The following PLCE1 variants were observed in gnomAD, a reference collection of about 807,000 sequenced individuals.
The protein encoded by PLCE1 is phospholipase C epsilon 1, also known as 1-phosphatidylinositol 4,5-bisphosphate phosphodiesterase epsilon-1.
In PLCE1, 119 loss-of-function variants were observed where a neutral mutation model predicts 242.8. That is an observed-to-expected ratio of 0.49 (90% CI 0.42 to 0.57). The LOEUF (loss-of-function observed/expected upper bound fraction) is 0.57, where lower values mean the gene tolerates loss of function less well. PLCE1 is among the 20% of genes least tolerant of loss of function. The probability of loss-of-function intolerance (pLI) is 0.00; values close to 1 mark genes in which losing one functional copy is unlikely to be tolerated. For synonymous variants in PLCE1, 945 were observed against 1,017.4 expected, an observed-to-expected ratio of 0.93 and a Z score of 1.35; for missense variants, 2,441 against 2,788.8, an observed-to-expected ratio of 0.88 and a Z score of 2.81.
rs190033469 is a variant in PLCE1, at chr10:94,296,490, A to G, written c.5168-1889A>G. On this transcript the variant is annotated intron_variant, in intron 23 of 32. Coordinates refer to ENST00000371380, the MANE Select transcript of PLCE1 (RefSeq NM_016341.4). ...TACTTGCTGATATTATGTTATGGAGATGACTTCTTTCCTTAAACCTCATGA... is the reference window on the plus strand; with the variant it reads ...TACTTGCTGATATTATGTTATGGAGGTGACTTCTTTCCTTAAACCTCATGA... Among the ~76,000 whole-genome samples the G allele has an allele frequency of 2.3e-3, 344 of 152,222 alleles. 1 individual carries two copies. Among genetic ancestry groups the G allele is most frequent in the African/African-American group, 8.0e-3 (331 of 41,538 alleles).
Position 94,298,372 on chromosome 10 carries a change from G to A in PLCE1, c.5168-7G>A, listed in dbSNP as rs1167796300. The A allele has an allele frequency of 1.2e-6, 2 of 1,613,648 alleles. No homozygotes were observed. Among genetic ancestry groups the A allele is most frequent in the African/African-American group, 2.7e-5 (2 of 74,976 alleles). On this transcript the variant is annotated splice_polypyrimidine_tract_variant and splice_region_variant and intron_variant, in intron 23 of 32. Coordinates refer to ENST00000371380, the MANE Select transcript of PLCE1 (RefSeq NM_016341.4). The surrounding 1 kb of genome is among the most constrained non-coding windows in gnomAD (Gnocchi z 5.2). ...CTAATCTGCGGCTAATTTCTTGGGG[G>A]GTTTAGGTTCCTGTGAAGGCATTCG...
intron 14 of PLCE1, among the ~76,000 whole-genome samples, chr10:94,263,924 A>G (rs545504971): frequency 6.6e-6 from 1 of 152,198 alleles, no homozygotes; most frequent in Non-Finnish European, 1.5e-5. Context: ...TTGTTATTCT[A>G]GAACATGCAA....
At chr10:94,211,567 T>C (rs1439824575) in intron 4 of PLCE1, among the ~76,000 whole-genome samples, 1 of 152,246 alleles carries the variant, frequency 6.6e-6, no homozygotes, top group Non-Finnish European at 1.5e-5. Flanking sequence ...TAGAACCGCA[T>C]AGCTAAAAGT....
chr10:94,203,930 T>C (rs1191534362), intron 4 of PLCE1, among the ~76,000 whole-genome samples: 1 of 152,240 alleles, frequency 6.6e-6, no homozygotes, highest in East Asian at 1.9e-4. Flanking sequence ...AGTCTGAAAG[T>C]TTCTTCTAAC....
chr10:93,996,425 G>C (rs2060824514), intron 1 of PLCE1, among the ~76,000 whole-genome samples: 1 of 152,198 alleles, frequency 6.6e-6, no homozygotes, highest in Non-Finnish European at 1.5e-5. Context: ...TAGGAAACAT[G>C]GTGCTTCTGG....
Position 94,132,277 on chromosome 10 carries a change from G to A in PLCE1, c.1310G>A (p.Ser437Asn), listed in dbSNP as rs757692426. The A allele has an allele frequency of 6.2e-7, 1 of 1,613,988 alleles. No homozygotes were observed. Among genetic ancestry groups the A allele is most frequent in the Non-Finnish European group, 8.5e-7 (1 of 1,180,000 alleles). Residue 437 changes from serine (S) to asparagine (N), a missense_variant, in exon 3 of 33, where the codon AGC (serine) becomes AAC (asparagine). Physicochemically the swap from Ser to Asn is conservative, Grantham distance 46. Around this residue, in one of 5 missense-constraint regions of PLCE1, gnomAD observed 733 missense variants for 754.2 expected, o/e 0.97. Transcript: ENST00000371380. ...PASETAHGRI[S>N]VGPCLKQCVR... ...TCCGAGACAGCCCATGGAAGGATAA[G>A]CGTTGGTCCATGCTTAAAGCAATGT...
intron 2 of PLCE1, chr10:94,094,898 T>G (rs1439636204): frequency 6.6e-6 from 1 of 152,204 alleles, no homozygotes; most frequent in African/African-American, 2.4e-5. Flanking sequence ...CTAAATTAAC[T>G]GCCCCTTTCA....
chr10:94,324,202 A>G (rs942196207), intron 30 of PLCE1, 147 bp from the exon 31 acceptor site: 1 of 750,650 alleles, frequency 1.3e-6, no homozygotes, highest in African/African-American at 1.7e-5. Context: ...CAACTATACA[A>G]CTGCAAAATG....
rs746405415 is a variant in PLCE1 at position 94,252,497 on chromosome 10, G to C, written c.3278G>C (p.Arg1093Thr). 8.1e-6 allele frequency: 13 copies of C among 1,611,890 alleles called. No individual in the cohort carries two copies. Among genetic ancestry groups the C allele is most frequent in the Non-Finnish European group, 1.1e-5 (13 of 1,178,826 alleles). ...TTKKKKKILM[R>T]GESGEVTDDE... ...AAGAAAAAGAAGAAAATCCTCATGA[G>C]GGTAGAGTGTTATTTGTTTATTAAG... The change falls in exon 9 of 33, where the codon AGG (arginine) becomes ACG (threonine). Residue 1093 changes from arginine to threonine, a missense_variant and splice_region_variant. Coordinates refer to ENST00000371380, the MANE Select transcript of PLCE1 (RefSeq NM_016341.4).
intron 2 of PLCE1, among the ~76,000 whole-genome samples, chr10:94,080,460 T>C (rs1387776429): frequency 2.6e-5 from 4 of 152,242 alleles, no homozygotes; most frequent in Admixed American, 1.3e-4. Context: ...TTGGACATGC[T>C]ATTAGCCCAG....
intron 3 of PLCE1, among the ~76,000 whole-genome samples, chr10:94,165,108 G>T (rs2047750900): frequency 6.6e-6 from 1 of 152,214 alleles, no homozygotes; most frequent in Non-Finnish European, 1.5e-5. Flanking sequence ...GAGGCAGTCT[G>T]TCTGTTCTCA....
intron 4 of PLCE1, among the ~76,000 whole-genome samples, chr10:94,184,671 G>A (rs1377841190): frequency 6.6e-6 from 1 of 152,152 alleles, no homozygotes; most frequent in Non-Finnish European, 1.5e-5. Flanking sequence ...CTCTGGCTCT[G>A]TTTTAGCCAC....
chr10:94,109,679 G>A (rs1253132532), intron 2 of PLCE1, among the ~76,000 whole-genome samples: 2 of 152,068 alleles, frequency 1.3e-5, no homozygotes, highest in Admixed American at 6.6e-5. Context: ...ATGGAAAATG[G>A]CATTAGGCTT....
At chr10:94,195,627 T>A (rs960986691) in intron 4 of PLCE1, among the ~76,000 whole-genome samples, 2 of 152,182 alleles carry the variant, frequency 1.3e-5, no homozygotes, top group African/African-American at 4.8e-5. Flanking sequence ...TGTAACTCCC[T>A]GAAGATTTTG....
At chr10:94,126,001 A>G (rs2046425581) in intron 2 of PLCE1, among the ~76,000 whole-genome samples, 1 of 152,108 alleles carries the variant, frequency 6.6e-6, no homozygotes, top group Non-Finnish European at 1.5e-5. Flanking sequence ...AGCTCTTTTC[A>G]GCCTCAGTAT....
At chr10:94,255,878 T>TCACACACACACA (rs1206355849) in intron 11 of PLCE1, among the ~76,000 whole-genome samples, 8 of 66,750 alleles carry the variant, frequency 1.2e-4, no homozygotes, top group East Asian at 1.2e-3. Flanking sequence ...TTACTTTATC[T>TCACACACACACA]CACACACACA....
chr10:94,006,327 A>G (rs923833125), intron 1 of PLCE1, among the ~76,000 whole-genome samples: 7 of 152,230 alleles, frequency 4.6e-5, no homozygotes, highest in African/African-American at 1.4e-4. Context: ...TAGAATGTGA[A>G]AGACGTTCAG....
intron 14 of PLCE1, among the ~76,000 whole-genome samples, chr10:94,264,069 C>T (rs1330733697): frequency 6.6e-6 from 1 of 152,086 alleles, no homozygotes; most frequent in East Asian, 1.9e-4. Flanking sequence ...ATGCAGCTTA[C>T]ATTCTAGAAG....
At chr10:94,126,324 A>T (rs960828676) in intron 2 of PLCE1, among the ~76,000 whole-genome samples, 2 of 152,242 alleles carry the variant, frequency 1.3e-5, no homozygotes, top group African/African-American at 4.8e-5. Flanking sequence ...AAAACTTAGC[A>T]GTGACCAAAT....
Sources: allele counts gnomAD v4.1 joint callset (sites outside exome capture counted in the v4.1 genomes callset), GRCh38; gene constraint gnomAD v4.1.1; regional missense constraint gnomAD v4.1.1; non-coding constraint Gnocchi (gnomAD v3.1); transcripts MANE v1.5; gene names NCBI Gene and HGNC (gene_info 2026-07-23, HGNC 2026-07-21).